The following DPYSL2 variants were observed in gnomAD, a reference collection of about 807,000 sequenced individuals.
The protein encoded by DPYSL2 is dihydropyrimidinase like 2.
A neutral mutation model predicts 69.9 loss-of-function variants in DPYSL2; 13 were observed. The ratio of observed to expected loss-of-function variants is 0.19; its 90% CI spans 0.12 to 0.30. DPYSL2 has a LOEUF of 0.30. Ranked by LOEUF, DPYSL2 falls within the 10% of genes least tolerant of loss-of-function variation. DPYSL2 has a pLI of 1.00. For synonymous variants in DPYSL2, 326 were observed against 359.1 expected (o/e 0.91, Z 1.04); for missense variants, 587 against 918.9 (o/e 0.64, Z 4.67).
In DPYSL2 at chr8:26,619,519, C is replaced by G. The variant is rs1196157849; in HGVS notation, c.629-4624C>G. 1.3e-5 allele frequency: 2 copies of G among 152,046 alleles called. No homozygotes were observed. Among genetic ancestry groups the G allele is most frequent in the African/African-American group, 4.8e-5 (2 of 41,380 alleles). The allele number at this position is 152,046 out of a possible 1,614,324, so 9.4% of individuals were successfully genotyped here. Reference sequence around the variant, plus strand: ...TGATGCTGTTGTGTAGTAAACAGGCCCCTCGTGGTAAATGGAGAGCAGTGA... The same window carrying G: ...TGATGCTGTTGTGTAGTAAACAGGCGCCTCGTGGTAAATGGAGAGCAGTGA... On this transcript the variant is annotated intron_variant, in intron 3 of 13. Coordinates refer to ENST00000521913, the MANE Select transcript of DPYSL2 (RefSeq NM_001197293.3). The surrounding 1 kb of genome is among the most constrained non-coding windows in gnomAD (Gnocchi z 4.8).
intron 1 of DPYSL2, among the ~76,000 whole-genome samples, chr8:26,569,099 G>C (rs527406843): frequency 2.0e-5 from 3 of 152,204 alleles, no homozygotes; most frequent in Admixed American, 6.5e-5. Flanking sequence ...GCCCCCAACT[G>C]TAATCCCACT....
chr8:26,572,619 C>T (rs1801257254), intron 1 of DPYSL2, among the ~76,000 whole-genome samples: 1 of 152,164 alleles, frequency 6.6e-6, no homozygotes, highest in South Asian at 2.1e-4. Flanking sequence ...CCAGCCTCAG[C>T]CTCCTGAGTA....
intron 1 of DPYSL2, among the ~76,000 whole-genome samples, chr8:26,573,836 C>CA (rs145546482): frequency 0.13 from 10,634 of 82,224 alleles, 712 homozygotes; most frequent in South Asian, 0.2. Flanking sequence ...GACTCCACCT[C>CA]AAAAAAAAAA....
chr8:26,609,189 C>T lies in DPYSL2; in HGVS notation c.629-14954C>T, dbSNP rs1283020400. On this transcript the variant is annotated intron_variant, in intron 3 of 13. Coordinates refer to ENST00000521913, the MANE Select transcript of DPYSL2 (RefSeq NM_001197293.3). This position sits in a 1 kb window ranked among gnomAD's most constrained non-coding sequence, Gnocchi z 6.5. ...TCTTGAAATAGAGGGGTGAGCATCA[C>T]CTCATTTATTTCAACCCATATTTGT... 2.0e-5 allele frequency among the ~76,000 whole-genome samples: 3 copies of T among 152,182 alleles called. No individual in the cohort carries two copies. The highest frequency in any genetic ancestry group is 4.4e-5 in the Non-Finnish European group (3 of 68,034).
Position 26,564,804 on chromosome 8 carries a change from T to C in DPYSL2, c.355-17165T>C, listed in dbSNP as rs1474074830. ...ATTTCAATAGCTTTTGGGATACAAG[T>C]GGTTTTTGGTTACATAGATGAATTG... On this transcript the variant is annotated intron_variant, in intron 1 of 13. Coordinates refer to ENST00000521913, the MANE Select transcript of DPYSL2 (RefSeq NM_001197293.3). The surrounding 1 kb of genome is among the most constrained non-coding windows in gnomAD (Gnocchi z 4.8). 6.6e-6 allele frequency among the ~76,000 whole-genome samples: 1 copy of C among 152,052 alleles called. No individual in the cohort carries two copies. The highest frequency in any genetic ancestry group is 1.5e-5 in the Non-Finnish European group (1 of 68,004).
In DPYSL2 at chr8:26,626,658, T is replaced by C. The variant is rs1802621743; in HGVS notation, c.835T>C (p.Phe279Leu). The change falls in exon 5 of 14, where the codon TTC becomes CTC. Residue 279 changes from phenylalanine (F) to leucine (L), a missense_variant. Physicochemically the swap from Phe to Leu is conservative, Grantham distance 22. Transcript: ENST00000521913. The surrounding 1 kb of genome is among the most constrained non-coding windows in gnomAD (Gnocchi z 4.3). ...CGTGTACATGGCTTTCAAAGATCGC[T>C]TCCAGCTAACGGATTGCCAGGTAAG... is the stretch of plus-strand genomic sequence containing the variant. ...FLVYMAFKDR[F>L]QLTDCQIYEV... 6.2e-7 allele frequency: 1 copy of C among 1,614,238 alleles called. No individual in the cohort carries two copies. The highest frequency in any genetic ancestry group is 8.5e-7 in the Non-Finnish European group (1 of 1,180,044).
intron 3 of DPYSL2, among the ~76,000 whole-genome samples, chr8:26,623,557 A>G (rs556577405): frequency 6.6e-6 from 1 of 152,324 alleles, no homozygotes; most frequent in East Asian, 1.9e-4. Context: ...CTTCCAGATC[A>G]GCGTACCTCC....
chr8:26,626,823 C>A lies in DPYSL2; in HGVS notation c.855+145C>A. Reference sequence around the variant, plus strand: ...GGATGCAGTTACTGATGTAACTGAGCCTTGGAAGAGAGTATGAACGCAGTG... The same window carrying A: ...GGATGCAGTTACTGATGTAACTGAGACTTGGAAGAGAGTATGAACGCAGTG... On this transcript the variant is annotated intron_variant, in intron 5 of 13. Transcript: ENST00000521913. The surrounding 1 kb of genome is among the most constrained non-coding windows in gnomAD (Gnocchi z 4.3). 1 of 847,406 alleles carries A rather than the reference C, an allele frequency of 1.2e-6. No individual in the cohort carries two copies. Among genetic ancestry groups the A allele is most frequent in the Non-Finnish European group, 1.9e-6 (1 of 537,410 alleles). The allele number at this position is 847,406 out of a possible 1,614,324, so 52.5% of individuals were successfully genotyped here.
At chr8:26,601,480 C>A (rs919935474) in intron 3 of DPYSL2, among the ~76,000 whole-genome samples, 1 of 152,134 alleles carries the variant, frequency 6.6e-6, no homozygotes, top group South Asian at 2.1e-4. Context: ...TGGGTTCACG[C>A]CATTCTCCTG....
In DPYSL2 at chr8:26,655,690, TCAC is replaced by T; in HGVS notation, c.2021_2023del (p.Thr674del). On this transcript the variant is annotated inframe_deletion, in exon 14 of 14. Coordinates refer to ENST00000521913, the MANE Select transcript of DPYSL2 (RefSeq NM_001197293.3). ...GCGCCCCCCGGTGGCCGTGCCAACA[TCAC>T]CAGCCTGGGCTAGAGCTCCTGGGCT... 1 of 1,607,102 alleles carries T rather than the reference TCAC, an allele frequency of 6.2e-7. No homozygotes were observed. Among genetic ancestry groups the T allele is most frequent in the Non-Finnish European group, 8.5e-7 (1 of 1,179,172 alleles).
intron 1 of DPYSL2, among the ~76,000 whole-genome samples, chr8:26,519,582 C>T (rs114297282): frequency 2.6e-3 from 398 of 152,162 alleles, no homozygotes; most frequent in African/African-American, 9.2e-3. Context: ...GCATTATTTA[C>T]TTTTTGTAAA....
rs1005994469 is a variant in DPYSL2 at position 26,583,671 on chromosome 8, G to A, written c.444-128G>A. 2.8e-5 allele frequency: 23 copies of A among 828,790 alleles called. No homozygotes were observed. In the Admixed American group the frequency reaches 4.3e-4, roughly 15 times the overall value. 51.3% of individuals were successfully genotyped at this position (828,790 alleles called of 1,614,324 possible). On this transcript the variant is annotated intron_variant, in intron 2 of 13. Transcript: ENST00000521913. ...AGTATATAGTGTTTTATTATGAATC[G>A]TAACAATGATCTGAAAAGCCCACGG...
chr8:26,615,660 A>C (rs1231863506), intron 3 of DPYSL2, among the ~76,000 whole-genome samples: 3 of 152,176 alleles, frequency 2.0e-5, no homozygotes, highest in African/African-American at 7.2e-5. Context: ...AGAAGAAAAC[A>C]CAGATGGCAA....
chr8:26,608,076 C>CAA (rs11355802), intron 3 of DPYSL2, among the ~76,000 whole-genome samples: 1,024 of 73,896 alleles, frequency 0.014, 14 homozygotes, highest in African/African-American at 0.039. Context: ...GACTCCATCT[C>CAA]AAAAAAAAAA....
chr8:26,594,179 G>C (rs753514988), intron 3 of DPYSL2, among the ~76,000 whole-genome samples: 1 of 152,180 alleles, frequency 6.6e-6, no homozygotes, highest in Non-Finnish European at 1.5e-5. Context: ...GTGTAAAGTG[G>C]AGACAATCAA....
At chr8:26,549,983 T>C (rs1470959101) in intron 1 of DPYSL2, among the ~76,000 whole-genome samples, 5 of 152,104 alleles carry the variant, frequency 3.3e-5, no homozygotes, top group African/African-American at 1.2e-4. Flanking sequence ...GGAAGAGTGT[T>C]AGAGAGAAAT....
chr8:26,576,855 C>T (rs939816084), intron 1 of DPYSL2, among the ~76,000 whole-genome samples: 1 of 152,232 alleles, frequency 6.6e-6, no homozygotes, highest in South Asian at 2.1e-4. Flanking sequence ...CCCTCAGGAC[C>T]CCGGGGCGCT....
chr8:26,549,119 G>A (rs1486036082), intron 1 of DPYSL2, among the ~76,000 whole-genome samples: 2 of 152,098 alleles, frequency 1.3e-5, no homozygotes, highest in East Asian at 3.9e-4. Context: ...AACCCAGGAG[G>A]CGGAGGCTGC....
Position 26,635,834 on chromosome 8 carries a change from T to C in DPYSL2, c.1126+934T>C, listed in dbSNP as rs146762993. ...GACTCTTTCTCAGTCCCTCTGTCAT[T>C]CTCTCTCTGTGTCTTTCTTTCCCTG... On this transcript the variant is annotated intron_variant, in intron 8 of 13. Transcript: ENST00000521913. Among the ~76,000 whole-genome samples, 283 of 152,318 alleles carry C rather than the reference T, an allele frequency of 1.9e-3. 1 individual carries two copies. Among genetic ancestry groups the C allele is most frequent in the African/African-American group, 6.6e-3 (275 of 41,576 alleles).
Sources: allele counts gnomAD v4.1 joint callset (sites outside exome capture counted in the v4.1 genomes callset), GRCh38; gene constraint gnomAD v4.1.1; non-coding constraint Gnocchi (gnomAD v3.1); transcripts MANE v1.5; gene names NCBI Gene and HGNC (gene_info 2026-07-23, HGNC 2026-07-21).